The following NPHP4 variants were observed in gnomAD, a reference collection of about 807,000 sequenced individuals.
NPHP4 encodes nephrocystin 4, also known as nephrocystin-4.
In NPHP4, 151 loss-of-function variants were observed where a neutral mutation model predicts 155.8. The observed-to-expected ratio is 0.97, with a 90% CI of 0.85 to 1.11. The LOEUF is 1.11. Among genes scored for constraint, NPHP4 ranks in the 50% least tolerant of loss-of-function variants. The pLI is 0.00. For missense variants in NPHP4, 1,956 were observed against 1,925.7 expected (o/e 1.02, Z -0.29); for synonymous variants, 845 against 816.8 (o/e 1.03, Z -0.59).
chr1:5,868,915 C>G (rs1641623660), intron 23 of NPHP4, among the ~76,000 whole-genome samples: 1 of 149,160 alleles, frequency 6.7e-6, no homozygotes, highest in African/African-American at 2.5e-5. Flanking sequence ...CATGCACCCA[C>G]ACATGTACAC....
At chr1:5,880,456 G>GT in intron 18 of NPHP4, 5 of 537,482 alleles carry the variant, frequency 9.3e-6, no homozygotes, top group East Asian at 3.1e-5. Flanking sequence ...TTCTCCTGCC[G>GT]TGTCAGTGGC....
At chr1:5,946,246 C>T (rs948958786) in intron 9 of NPHP4, among the ~76,000 whole-genome samples, 2 of 152,156 alleles carry the variant, frequency 1.3e-5, no homozygotes, top group Non-Finnish European at 2.9e-5. Flanking sequence ...ATCTTAAGAA[C>T]AGCAGGATTT....
In NPHP4 at chr1:5,904,676, C is replaced by G; in HGVS notation, c.2084G>C (p.Ser695Thr). The change falls in exon 16 of 30, where the codon AGC (serine) becomes ACC (threonine). Residue 695 changes from serine (S) to threonine (T), a missense_variant. Coordinates refer to ENST00000378156, the MANE Select transcript of NPHP4 (RefSeq NM_015102.5). ...LVQLDEAGQPSSGALTHILVP... is the reference protein window; with the variant it reads ...LVQLDEAGQPTSGALTHILVP... ...GAGGATGTGGGTCAGGGCGCCAGAGCTGGGCTGGCCGGCCTCATCCAGCTG... is the reference window on the plus strand; with the variant it reads ...GAGGATGTGGGTCAGGGCGCCAGAGGTGGGCTGGCCGGCCTCATCCAGCTG... The G allele has an allele frequency of 6.2e-7, 1 of 1,613,950 alleles. No homozygotes were observed. Among genetic ancestry groups the G allele is most frequent in the South Asian group, 1.1e-5 (1 of 91,074 alleles).
At chr1:5,976,354 C>T (rs564051111) in intron 3 of NPHP4, among the ~76,000 whole-genome samples, 2 of 152,308 alleles carry the variant, frequency 1.3e-5, no homozygotes, top group South Asian at 2.1e-4. Flanking sequence ...AAGCGCCTCC[C>T]GGTGAAGGAT....
At chr1:5,914,799 T>A (rs1645377575) in intron 11 of NPHP4, among the ~76,000 whole-genome samples, 2 of 152,158 alleles carry the variant, frequency 1.3e-5, no homozygotes, top group Admixed American at 1.3e-4. Flanking sequence ...CCTCTCAACA[T>A]CAGGACACAT....
chr1:5,956,320 G>C (rs889545044), intron 6 of NPHP4, among the ~76,000 whole-genome samples: 1 of 152,232 alleles, frequency 6.6e-6, no homozygotes, highest in Non-Finnish European at 1.5e-5. Flanking sequence ...GCACCCCCAG[G>C]AGCAAAAGCC....
rs181619363 is a variant in NPHP4, at chr1:5,873,755, A to G, written c.3232-420T>C. 2.4e-5 allele frequency: 7 copies of G among 290,268 alleles called. No homozygotes were observed. The East Asian group carries it at 8.3e-4, about 34-fold the overall frequency. 18.0% of individuals were successfully genotyped at this position (290,268 alleles called of 1,614,324 possible). ...CCATGCCGGCCTCACGCACCCGGGC[A>G]TGACACACCCCCTGCAGGCACACCT... On this transcript the variant is annotated intron_variant, in intron 22 of 29. Coordinates refer to ENST00000378156, the MANE Select transcript of NPHP4 (RefSeq NM_015102.5).
chr1:5,961,809 C>A lies in NPHP4; in HGVS notation c.658G>T (p.Ala220Ser). The stretch of plus-strand genomic sequence containing the variant: ...ACGCCCTTACCGGATTCTCCATGAG[C>A]TGGAAGCAGGCCAGGTATCTGCTGC... ...GLQQIPGLLP[A>S]HGESGDALRK... Residue 220 changes from alanine (A) to serine (S), a missense_variant, in exon 6 of 30, where the codon GCT becomes TCT. Physicochemically the swap from Ala to Ser is moderately conservative, Grantham distance 99. Transcript: ENST00000378156. 6.2e-7 allele frequency: 1 copy of A among 1,612,708 alleles called. No homozygotes were observed. Among genetic ancestry groups the A allele is most frequent in the East Asian group, 2.2e-5 (1 of 44,864 alleles).
At position 5,944,324 on chromosome 1, in the gene NPHP4, G is replaced by A. The variant is rs576999701; in HGVS notation, c.1119+2780C>T. Among the ~76,000 whole-genome samples the A allele has an allele frequency of 6.6e-6, 1 of 152,226 alleles. No homozygotes were observed. The highest frequency in any genetic ancestry group is 1.9e-4 in the East Asian group (1 of 5,196). On this transcript the variant is annotated intron_variant, in intron 9 of 29. Coordinates refer to ENST00000378156, the MANE Select transcript of NPHP4 (RefSeq NM_015102.5). This position sits in a 1 kb window ranked among gnomAD's most constrained non-coding sequence, Gnocchi z 4.3. ...CAGCTGAAAAAATCCCCACCCAGCT[G>A]AAGAAGGCTGCTCTGGGAGACACTG...
chr1:5,880,439 G>T (rs1643161068), intron 18 of NPHP4, 200 bp from the exon 19 acceptor site: 1 of 567,264 alleles, frequency 1.8e-6, no homozygotes, highest in South Asian at 2.2e-5. Flanking sequence ...TTTCAGCTAG[G>T]TCTTCATTCT....
At chr1:5,884,462 C>T (rs1363079446) in intron 18 of NPHP4, among the ~76,000 whole-genome samples, 3 of 151,288 alleles carry the variant, frequency 2.0e-5, no homozygotes, top group Non-Finnish European at 4.4e-5. Context: ...ACCAAGATCA[C>T]TGCCCAAGCT....
Position 5,986,292 on chromosome 1 carries a change from T to C in NPHP4, c.-3A>G. 1 of 1,613,376 alleles carries C rather than the reference T, an allele frequency of 6.2e-7. No homozygotes were observed. Among genetic ancestry groups the C allele is most frequent in the Non-Finnish European group, 8.5e-7 (1 of 1,179,620 alleles). On this transcript the variant is annotated 5_prime_UTR_variant, in exon 2 of 30. Coordinates refer to ENST00000378156, the MANE Select transcript of NPHP4 (RefSeq NM_015102.5). ...AAGATCCTGTGCCAGTCGTTCATCC[T>C]GCCCGCCTGAGGGTCCCGTGGGCTT...
intron 23 of NPHP4, among the ~76,000 whole-genome samples, chr1:5,868,963 ACACACATGCACACACATCCACC>A (rs1641644495): frequency 6.9e-6 from 1 of 144,966 alleles, no homozygotes; most frequent in Non-Finnish European, 1.5e-5. Context: ...CACAATGCAC[ACACACATGCACACACATCCACC>A]CACACATGCA....
At chr1:5,913,400 T>G (rs72630622) in intron 11 of NPHP4, among the ~76,000 whole-genome samples, 2,798 of 152,332 alleles carry the variant, frequency 0.018, 40 homozygotes, top group Non-Finnish European at 0.029. Flanking sequence ...GGCAGGTTTC[T>G]CCACCTCTCT....
intron 16 of NPHP4, among the ~76,000 whole-genome samples, chr1:5,902,832 T>A (rs1414114586): frequency 2.0e-5 from 3 of 152,222 alleles, no homozygotes; most frequent in Non-Finnish European, 4.4e-5. Flanking sequence ...GAGGTCTTCA[T>A]TGACTCATGG....
At chr1:5,967,427 T>C (rs914366936) in intron 4 of NPHP4, 64 bp from the exon 5 acceptor site, 2 of 1,307,056 alleles carry the variant, frequency 1.5e-6, no homozygotes, top group African/African-American at 1.5e-5. Flanking sequence ...GGAAAGCACA[T>C]GGAGGCCTCA....
At chr1:5,879,771 T>G in intron 19 of NPHP4, 1 of 375,210 alleles carries the variant, frequency 2.7e-6, no homozygotes, top group South Asian at 2.2e-5. Context: ...GCACCACGAA[T>G]GGTGCGCACA....
chr1:5,893,064 G>A (rs1192569847), intron 16 of NPHP4, among the ~76,000 whole-genome samples: 1 of 152,194 alleles, frequency 6.6e-6, no homozygotes, highest in African/African-American at 2.4e-5. Flanking sequence ...GGGGTGTGGG[G>A]TGCAGGGATC....
At chr1:5,871,873 C>T (rs1261102803) in intron 23 of NPHP4, among the ~76,000 whole-genome samples, 1 of 152,196 alleles carries the variant, frequency 6.6e-6, no homozygotes, top group East Asian at 1.9e-4. Flanking sequence ...CAACAGCATG[C>T]AGTCATGATA....
Sources: allele counts gnomAD v4.1 joint callset (sites outside exome capture counted in the v4.1 genomes callset), GRCh38; gene constraint gnomAD v4.1.1; non-coding constraint Gnocchi (gnomAD v3.1); transcripts MANE v1.5; gene names NCBI Gene and HGNC (gene_info 2026-07-23, HGNC 2026-07-21).